MIGA2: variants seen among roughly 807,000 people sequenced by gnomAD.
The protein encoded by MIGA2 is mitoguardin 2.
A neutral mutation model predicts 69.9 loss-of-function variants in MIGA2; 36 were observed. The observed-to-expected ratio is 0.52, with a 90% CI of 0.39 to 0.68. The LOEUF (loss-of-function observed/expected upper bound fraction) is 0.68. Ranked by LOEUF, MIGA2 falls within the 30% of genes least tolerant of loss-of-function variation. MIGA2 has a pLI of 0.00. For missense variants in MIGA2, 660 were observed against 787.7 expected (o/e 0.84, Z 1.94); for synonymous variants, 333 against 349.2 (o/e 0.95, Z 0.52).
rs1462829954 is a variant in MIGA2 at position 129,068,730 on chromosome 9, G to A, written c.1405-346G>A. On this transcript the variant is annotated intron_variant, in intron 13 of 15. Coordinates refer to ENST00000684074, the MANE Select transcript of MIGA2 (RefSeq NM_001329990.2). This position sits in a 1 kb window ranked among gnomAD's most constrained non-coding sequence, Gnocchi z 4.1. ...GGCAAGCAGTAACGCTCCAGCAGCC[G>A]GGCTGTGCTGCCTGGGCCCAGGCTT... 1.4e-5 allele frequency: 6 copies of A among 419,136 alleles called. No individual in the cohort carries two copies. Among genetic ancestry groups the A allele is most frequent in the East Asian group, 1.3e-4 (3 of 22,358 alleles). The allele number at this position is 419,136 out of a possible 1,614,324, so 26.0% of individuals were successfully genotyped here.
chr9:129,055,211 G>A (rs973928678), intron 6 of MIGA2, among the ~76,000 whole-genome samples: 5 of 151,738 alleles, frequency 3.3e-5, no homozygotes, highest in South Asian at 2.1e-4. Context: ...CTGAGTAGCT[G>A]GGATTACAGG....
intron 3 of MIGA2, among the ~76,000 whole-genome samples, chr9:129,046,020 A>AT (rs1480687638): frequency 2.0e-5 from 3 of 151,476 alleles, no homozygotes; most frequent in Non-Finnish European, 4.4e-5. Context: ...CGCCCAGCTA[A>AT]TTTTTTGTGT....
intron 1 of MIGA2, chr9:129,037,155 G>A (rs1449641359): frequency 4.6e-6 from 3 of 655,086 alleles, no homozygotes; most frequent in Non-Finnish European, 5.8e-6. Flanking sequence ...GGCATGGTGG[G>A]ACTATTGAGG....
chr9:129,067,528 C>A (rs17508370), intron 11 of MIGA2: 3 of 529,154 alleles, frequency 5.7e-6, no homozygotes, highest in Non-Finnish European at 1.0e-5. Context: ...CACACTGTCA[C>A]ACTGGGCACT....
intron 2 of MIGA2, among the ~76,000 whole-genome samples, chr9:129,041,754 TC>T (rs1214334259): frequency 3.3e-5 from 5 of 152,172 alleles, no homozygotes; most frequent in Non-Finnish European, 5.9e-5. Context: ...TGGGGTACAG[TC>T]CCATCTGAGG....
intron 1 of MIGA2, among the ~76,000 whole-genome samples, chr9:129,037,488 A>G (rs1046561234): frequency 6.6e-6 from 1 of 151,938 alleles, no homozygotes; most frequent in Admixed American, 6.6e-5. Context: ...CATTGTGGAG[A>G]GGAGGTGGAG....
Position 129,068,471 on chromosome 9 carries a change from G to A in MIGA2, c.1404+139G>A. The stretch of plus-strand genomic sequence containing the variant: ...AGATCCGCGGCTGCCAGGCCTGGGA[G>A]ACCAGAGTCTGCCCTGGAGAAGCCT... On this transcript the variant is annotated intron_variant, in intron 13 of 15. Transcript: ENST00000684074. This position sits in a 1 kb window ranked among gnomAD's most constrained non-coding sequence, Gnocchi z 4.1. The A allele has an allele frequency of 8.1e-7, 1 of 1,233,998 alleles. No individual in the cohort carries two copies. Among genetic ancestry groups the A allele is most frequent in the Non-Finnish European group, 1.1e-6 (1 of 892,786 alleles). The allele number at this position is 1,233,998 out of a possible 1,614,324, so 76.4% of individuals were successfully genotyped here.
At chr9:129,049,145 G>A (rs1426341737) in intron 4 of MIGA2, among the ~76,000 whole-genome samples, 2 of 152,226 alleles carry the variant, frequency 1.3e-5, no homozygotes, top group African/African-American at 4.8e-5. Flanking sequence ...CCTGGGCTGG[G>A]TGTTGGTCTC....
At chr9:129,063,007 C>T (rs1846146446) in intron 9 of MIGA2, among the ~76,000 whole-genome samples, 1 of 152,220 alleles carries the variant, frequency 6.6e-6, no homozygotes, top group Non-Finnish European at 1.5e-5. Context: ...CATCTCTGTA[C>T]CCGGTGCCTG....
chr9:129,067,163 G>A (rs966683015), intron 11 of MIGA2, among the ~76,000 whole-genome samples: 4 of 149,102 alleles, frequency 2.7e-5, no homozygotes, highest in Admixed American at 6.7e-5. Context: ...AAAAAATCAC[G>A]AGTTAATCCA....
chr9:129,056,346 C>T (rs568598676), intron 6 of MIGA2, among the ~76,000 whole-genome samples: 40 of 151,940 alleles, frequency 2.6e-4, no homozygotes, highest in Non-Finnish European at 5.3e-4. Flanking sequence ...GGAAATAATT[C>T]CCCCTTCCGA....
In MIGA2 at chr9:129,069,436, G is replaced by C. The variant is rs1846548393; in HGVS notation, c.1458+307G>C. On this transcript the variant is annotated intron_variant, in intron 14 of 15. Transcript: ENST00000684074. This position sits in a 1 kb window ranked among gnomAD's most constrained non-coding sequence, Gnocchi z 4.9. ...CGTCTCGGTGGGGGCAGGATACCCAGGAGCAAGCAGAGCCCTGTCCCTCCT... is the reference window on the plus strand; with the variant it reads ...CGTCTCGGTGGGGGCAGGATACCCACGAGCAAGCAGAGCCCTGTCCCTCCT... 1 of 489,520 alleles carries C rather than the reference G, an allele frequency of 2.0e-6. No homozygotes were observed. Among genetic ancestry groups the C allele is most frequent in the African/African-American group, 2.0e-5 (1 of 49,770 alleles). The allele number at this position is 489,520 out of a possible 1,614,324, so 30.3% of individuals were successfully genotyped here.
At chr9:129,057,526 C>T (rs979834502) in intron 6 of MIGA2, among the ~76,000 whole-genome samples, 8 of 151,996 alleles carry the variant, frequency 5.3e-5, no homozygotes, top group South Asian at 2.1e-4. Context: ...CTCCTGACCT[C>T]GTGATCCCCC....
intron 1 of MIGA2, among the ~76,000 whole-genome samples, chr9:129,038,263 C>T (rs1844703629): frequency 6.6e-6 from 1 of 152,214 alleles, no homozygotes; most frequent in Non-Finnish European, 1.5e-5. Context: ...TAGAGCGAGA[C>T]TGACAGGCTC....
At chr9:129,041,088 A>T (rs1370770424) in intron 2 of MIGA2, among the ~76,000 whole-genome samples, 2 of 152,076 alleles carry the variant, frequency 1.3e-5, no homozygotes, top group African/African-American at 4.8e-5. Context: ...TAATCCCAGC[A>T]CTCTGGGAAG....
At chr9:129,049,283 G>T (rs977644545) in intron 4 of MIGA2, 98 bp from the exon 5 acceptor site, 2 of 1,131,818 alleles carry the variant, frequency 1.8e-6, no homozygotes, top group Non-Finnish European at 2.6e-6. Context: ...TGGAGGGGGC[G>T]TGTGGCCCAT....
rs112342483 is a variant in MIGA2, at chr9:129,070,315, G to A, written c.1644G>A (p.Ala548=). The change falls in exon 16 of 16, where the codon GCG becomes GCA. Residue 548 remains alanine (A), a synonymous_variant. Coordinates refer to ENST00000684074, the MANE Select transcript of MIGA2 (RefSeq NM_001329990.2). ...ATGTGCGCTACACGTCACTGCCCGC[G>A]CTGGCAGACGACATCCTGCAGCTGT... ...LDNVRYTSLP[A]LADDILQLSR... The A allele has an allele frequency of 1.2e-3, 1,869 of 1,613,156 alleles. 30 individuals are homozygous for A. The African/African-American group carries it at 0.022, about 19-fold the overall frequency.
At chr9:129,062,066 G>C (rs1395800052) in intron 9 of MIGA2, among the ~76,000 whole-genome samples, 1 of 122,798 alleles carries the variant, frequency 8.1e-6, no homozygotes, top group Non-Finnish European at 1.6e-5. Flanking sequence ...TGTATTTTTA[G>C]TAGAGATGGG....
chr9:129,037,887 G>C (rs1401801580), intron 1 of MIGA2, among the ~76,000 whole-genome samples: 1 of 152,288 alleles, frequency 6.6e-6, no homozygotes, highest in African/African-American at 2.4e-5. Context: ...CCTCAGGCAG[G>C]CTGCCTCATC....
Sources: gnomAD v4.1 joint callset for allele counts (sites outside exome capture counted in the v4.1 genomes callset) on GRCh38, gnomAD v4.1.1 for gene constraint, Gnocchi (gnomAD v3.1) non-coding constraint, MANE v1.5 for transcripts, NCBI Gene and HGNC (gene_info 2026-07-23, HGNC 2026-07-21) for gene names.